TTLL11: variants seen among roughly 807,000 people sequenced by gnomAD.
TTLL11 encodes tubulin polyglutamylase TTLL11.
In TTLL11, 42 loss-of-function variants were observed where a neutral mutation model predicts 51.7. The ratio of observed to expected loss-of-function variants is 0.81; its 90% CI spans 0.64 to 1.05. TTLL11 has a LOEUF of 1.05. TTLL11 is among the 50% of genes least tolerant of loss of function. The probability of loss-of-function intolerance (pLI) is 0.00; values close to 1 mark genes in which losing one functional copy is unlikely to be tolerated. For synonymous variants in TTLL11, 381 were observed against 383.5 expected (o/e 0.99, Z 0.08); for missense variants, 799 against 940.4 (o/e 0.85, Z 1.97).
chr9:121,848,605 T>C (rs887660421), intron 8 of TTLL11, among the ~76,000 whole-genome samples: 2 of 152,122 alleles, frequency 1.3e-5, no homozygotes, highest in African/African-American at 4.8e-5. Context: ...ATATTAGCAA[T>C]GAACAAATGG....
At chr9:122,068,635 T>C (rs890326359) in intron 1 of TTLL11, among the ~76,000 whole-genome samples, 1 of 152,188 alleles carries the variant, frequency 6.6e-6, no homozygotes, top group Admixed American at 6.5e-5. Context: ...ACTCAGCTAG[T>C]AAGAAGCAGA....
At chr9:121,879,126 G>C (rs889288976) in intron 6 of TTLL11, among the ~76,000 whole-genome samples, 7 of 152,172 alleles carry the variant, frequency 4.6e-5, no homozygotes, top group Non-Finnish European at 8.8e-5. Flanking sequence ...CTCAATACCT[G>C]TTTGCCACTT....
intron 8 of TTLL11, among the ~76,000 whole-genome samples, chr9:121,825,514 A>G (rs1836725467): frequency 6.6e-6 from 1 of 152,236 alleles, no homozygotes. Context: ...TAAAGGAAGC[A>G]GCGTGCTGTC....
intron 6 of TTLL11, among the ~76,000 whole-genome samples, chr9:121,919,653 A>G (rs911384670): frequency 3.3e-5 from 5 of 152,172 alleles, no homozygotes; most frequent in African/African-American, 1.2e-4. Context: ...CTTGTCCTGC[A>G]AGTGGGGCCC....
At position 121,934,293 on chromosome 9, in the gene TTLL11, T is replaced by C. The variant is rs143422631; in HGVS notation, c.1481+39716A>G. Among the ~76,000 whole-genome samples, 133 of 151,638 alleles carry C rather than the reference T, an allele frequency of 8.8e-4. 1 individual carries two copies. Among genetic ancestry groups the C allele is most frequent in the East Asian group, 7.9e-3 (41 of 5,170 alleles). On this transcript the variant is annotated intron_variant, in intron 6 of 8. Transcript: ENST00000321582. ...CCATTCGTCCATCTTGCGCTTTGGATCTTTTACCCATGCCAAACTATATAA... is the reference window on the plus strand; with the variant it reads ...CCATTCGTCCATCTTGCGCTTTGGACCTTTTACCCATGCCAAACTATATAA...
At chr9:121,951,677 C>T (rs1433142558) in intron 6 of TTLL11, among the ~76,000 whole-genome samples, 1 of 152,146 alleles carries the variant, frequency 6.6e-6, no homozygotes, top group Non-Finnish European at 1.5e-5. Context: ...GGAAAGAGGT[C>T]CTGATCCAGA....
intron 6 of TTLL11, among the ~76,000 whole-genome samples, chr9:121,898,203 C>T (rs751032318): frequency 6.6e-6 from 1 of 152,142 alleles, no homozygotes; most frequent in Non-Finnish European, 1.5e-5. Flanking sequence ...CATGAGCCAC[C>T]ATGTCCGGCT....
intron 2 of TTLL11, among the ~76,000 whole-genome samples, chr9:122,032,062 G>A (rs1178846245): frequency 6.6e-6 from 1 of 152,188 alleles, no homozygotes; most frequent in African/African-American, 2.4e-5. Flanking sequence ...GGTAACGGAC[G>A]GGTGTTCTTT....
chr9:121,861,357 G>A (rs921054732), intron 7 of TTLL11, among the ~76,000 whole-genome samples: 5 of 152,302 alleles, frequency 3.3e-5, no homozygotes, highest in East Asian at 3.9e-4. Flanking sequence ...GATTACAGGC[G>A]TGAGCCACTG....
intron 6 of TTLL11, among the ~76,000 whole-genome samples, chr9:121,916,259 T>C (rs1840323110): frequency 2.0e-5 from 3 of 152,220 alleles, no homozygotes; most frequent in Admixed American, 2.0e-4. Context: ...TATGCATGAA[T>C]CATACATAGT....
chr9:122,065,425 A>C (rs1845555481), intron 1 of TTLL11, among the ~76,000 whole-genome samples: 1 of 152,216 alleles, frequency 6.6e-6, no homozygotes, highest in Admixed American at 6.5e-5. Context: ...TTCTGGATTA[A>C]GTAATGTCTT....
intron 1 of TTLL11, among the ~76,000 whole-genome samples, chr9:122,064,725 G>A (rs1489252095): frequency 6.6e-6 from 1 of 152,138 alleles, no homozygotes; most frequent in Non-Finnish European, 1.5e-5. Context: ...ACCCAGCTTG[G>A]GAGGAATCAA....
intron 6 of TTLL11, among the ~76,000 whole-genome samples, chr9:121,962,445 T>A (rs1231686027): frequency 6.6e-6 from 1 of 152,162 alleles, no homozygotes; most frequent in African/African-American, 2.4e-5. Context: ...CCTACTTATA[T>A]ATTCTTACTT....
chr9:121,840,300 G>C (rs1463969427), intron 8 of TTLL11, among the ~76,000 whole-genome samples: 1 of 152,158 alleles, frequency 6.6e-6, no homozygotes, highest in East Asian at 1.9e-4. Flanking sequence ...CGTATCCTCG[G>C]ATGCATGGAA....
intron 1 of TTLL11, among the ~76,000 whole-genome samples, chr9:122,040,078 G>A (rs757137652): frequency 1.3e-5 from 2 of 152,076 alleles, no homozygotes; most frequent in Non-Finnish European, 2.9e-5. Context: ...GAGATGCCAG[G>A]CAGCCTCTGC....
intron 6 of TTLL11, among the ~76,000 whole-genome samples, chr9:121,899,395 A>ATATATG (rs1273196262): frequency 2.4e-4 from 30 of 127,622 alleles, no homozygotes; most frequent in African/African-American, 7.1e-4. Flanking sequence ...ATATATATAT[A>ATATATG]TATATATACA....
chr9:121,974,265 C>T, intron 5 of TTLL11, 141 bp from the exon 6 acceptor site: 1 of 515,272 alleles, frequency 1.9e-6, no homozygotes. Context: ...TTCCTTTATA[C>T]TACCTTAAGA....
At chr9:121,997,570 C>A (rs1843314388) in intron 3 of TTLL11, among the ~76,000 whole-genome samples, 1 of 152,204 alleles carries the variant, frequency 6.6e-6, no homozygotes, top group Admixed American at 6.5e-5. Flanking sequence ...GCAGCAGCTG[C>A]AGAGAGGGCG....
intron 8 of TTLL11, among the ~76,000 whole-genome samples, chr9:121,824,226 T>C (rs918597126): frequency 8.6e-5 from 13 of 152,034 alleles, no homozygotes; most frequent in African/African-American, 3.1e-4. Context: ...CCTGTAATCC[T>C]AGCACTTTGG....
Sources: gnomAD v4.1 joint callset for allele counts (sites outside exome capture counted in the v4.1 genomes callset) on GRCh38, gnomAD v4.1.1 for gene constraint, MANE v1.5 for transcripts, NCBI Gene and HGNC (gene_info 2026-07-23, HGNC 2026-07-21) for gene names.